AAK1: variants seen among roughly 807,000 people sequenced by gnomAD.
AAK1 encodes AP2 associated kinase 1.
AAK1 carries 37 observed loss-of-function variants against 116.0 expected under a neutral mutation model. The ratio of observed to expected loss-of-function variants is 0.32; its 90% CI spans 0.25 to 0.42. The LOEUF (loss-of-function observed/expected upper bound fraction) is 0.42, where lower values mean the gene tolerates loss of function less well. AAK1 is among the 10% of genes least tolerant of loss of function. The probability of loss-of-function intolerance (pLI) is 1.00; values close to 1 mark genes in which losing one functional copy is unlikely to be tolerated. For synonymous variants in AAK1, 458 were observed against 439.9 expected (o/e 1.04, Z -0.51); for missense variants, 919 against 1,170.6 (o/e 0.79, Z 3.14).
chr2:69,459,908 A>G lies in AAK1; in HGVS notation c.*15961T>C, dbSNP rs1674299919. On this transcript the variant is annotated 3_prime_UTR_variant, in exon 22 of 22. Coordinates refer to ENST00000409085, the MANE Select transcript of AAK1 (RefSeq NM_014911.5). ...GGTTAAAAAACAAAACAAAACTACA[A>G]GTATCAGCTGAGAAAGACAAAGAAA... The G allele has an allele frequency of 6.6e-6, 1 of 152,118 alleles. No homozygotes were observed. Among genetic ancestry groups the G allele is most frequent in the South Asian group, 2.1e-4 (1 of 4,822 alleles). 9.4% of individuals were successfully genotyped at this position (152,118 alleles called of 1,614,324 possible).
At chr2:69,557,436 G>A (rs929758335) in intron 2 of AAK1, among the ~76,000 whole-genome samples, 1 of 151,676 alleles carries the variant, frequency 6.6e-6, no homozygotes, top group East Asian at 1.9e-4. Context: ...CGAGTAGCTG[G>A]GATTACAGGT....
chr2:69,518,931 G>A (rs1676704863), intron 12 of AAK1, 23 bp downstream of exon 12: 3 of 1,515,970 alleles, frequency 2.0e-6, no homozygotes, highest in Non-Finnish European at 2.7e-6. Flanking sequence ...ATGCAAGCAA[G>A]GGCCACACTC....
Position 69,461,408 on chromosome 2 carries a change from A to G in AAK1, c.*14461T>C, listed in dbSNP as rs544811516. 4.4e-6 allele frequency: 1 copy of G among 228,044 alleles called. No homozygotes were observed. The highest frequency in any genetic ancestry group is 4.2e-5 in the South Asian group (1 of 23,890). 14.1% of individuals were successfully genotyped at this position (228,044 alleles called of 1,614,324 possible). ...ACTGTATTTTTTTTTCTCTTTAAGG[A>G]AATAAGACCCTACTGTAATACAAGT... On this transcript the variant is annotated 3_prime_UTR_variant, in exon 22 of 22. Transcript: ENST00000409085.
rs1674314829 is a variant in AAK1, at chr2:69,460,589, A to AACT, written c.*15279_*15280insAGT. 1 of 152,214 alleles carries AACT rather than the reference A, an allele frequency of 6.6e-6. No homozygotes were observed. Among genetic ancestry groups the AACT allele is most frequent in the Non-Finnish European group, 1.5e-5 (1 of 68,028 alleles). 9.4% of individuals were successfully genotyped at this position (152,214 alleles called of 1,614,324 possible). On this transcript the variant is annotated 3_prime_UTR_variant, in exon 22 of 22. Coordinates refer to ENST00000409085, the MANE Select transcript of AAK1 (RefSeq NM_014911.5). ...AGTTGCCAGAGAAAACTCAGATACA[A>AACT]CATGAGCCTCTAAACACATACACTC... is the stretch of plus-strand genomic sequence containing the variant.
At chr2:69,485,607 C>A (rs1251060773) in intron 17 of AAK1, among the ~76,000 whole-genome samples, 1 of 151,966 alleles carries the variant, frequency 6.6e-6, no homozygotes. Flanking sequence ...CACATCTATG[C>A]CTTTTGGCTT....
chr2:69,569,218 C>T lies in AAK1; in HGVS notation c.164-12240G>A, dbSNP rs2105114096. On this transcript the variant is annotated intron_variant, in intron 2 of 21. Transcript: ENST00000409085. The stretch of plus-strand genomic sequence containing the variant: ...AGAATATAAGAGCCTTTATACGTTT[C>T]CCCATTTTATTATGAAAAATTTCAA... Among the ~76,000 whole-genome samples, 3 of 152,246 alleles carry T rather than the reference C, an allele frequency of 2.0e-5. No individual in the cohort carries two copies. In the South Asian group the frequency reaches 6.2e-4, roughly 32 times the overall value.
chr2:69,504,426 A>G (rs1428263208), intron 16 of AAK1, among the ~76,000 whole-genome samples: 2 of 138,386 alleles, frequency 1.4e-5, no homozygotes, highest in East Asian at 2.2e-4. Context: ...AAAAAGATGC[A>G]TATCAGAGTC....
chr2:69,497,914 T>C (rs1675813336), intron 16 of AAK1, among the ~76,000 whole-genome samples: 1 of 152,058 alleles, frequency 6.6e-6, no homozygotes, highest in Admixed American at 6.6e-5. Context: ...GTGGCCCTAT[T>C]TGTGCATGTG....
At chr2:69,595,180 T>C (rs1673215849) in intron 2 of AAK1, 2 of 384,080 alleles carry the variant, frequency 5.2e-6, no homozygotes, top group Admixed American at 6.8e-5. Context: ...TGGTGTGATC[T>C]TGGCTCACTG....
intron 20 of AAK1, among the ~76,000 whole-genome samples, chr2:69,478,299 ACCATC>A (rs1674927068): frequency 2.0e-5 from 3 of 152,332 alleles, no homozygotes; most frequent in African/African-American, 7.2e-5. Flanking sequence ...AGTCACTTCA[ACCATC>A]TACTTGAATT....
rs1674704213 is a variant in AAK1 at position 69,472,225 on chromosome 2, G to A, written c.*3644C>T. Reference sequence around the variant, plus strand: ...ATTATCCTTTTTACTGTCTTCAACAGTAACCACTCTTCATCTTACAGGGTT... The same window carrying A: ...ATTATCCTTTTTACTGTCTTCAACAATAACCACTCTTCATCTTACAGGGTT... On this transcript the variant is annotated 3_prime_UTR_variant, in exon 22 of 22. Transcript: ENST00000409085. The A allele has an allele frequency of 1.1e-6, 1 of 921,620 alleles. No individual in the cohort carries two copies. The highest frequency in any genetic ancestry group is 1.8e-5 in the African/African-American group (1 of 55,820). The allele number at this position is 921,620 out of a possible 1,614,324, so 57.1% of individuals were successfully genotyped here.
intron 2 of AAK1, among the ~76,000 whole-genome samples, chr2:69,563,126 T>C (rs1362462581): frequency 6.6e-6 from 1 of 152,144 alleles, no homozygotes; most frequent in Non-Finnish European, 1.5e-5. Flanking sequence ...CACCATGATA[T>C]TCAATTCAGC....
At chr2:69,527,829 G>A (rs962925454) in intron 8 of AAK1, among the ~76,000 whole-genome samples, 4 of 152,158 alleles carry the variant, frequency 2.6e-5, no homozygotes, top group African/African-American at 7.2e-5. Flanking sequence ...GTGACCTATA[G>A]ATCACTTGTC....
At chr2:69,626,876 T>C (rs1013314535) in intron 2 of AAK1, among the ~76,000 whole-genome samples, 1 of 152,176 alleles carries the variant, frequency 6.6e-6, no homozygotes, top group Non-Finnish European at 1.5e-5. Context: ...TCAATCATTC[T>C]TTCTGCCTCC....
At chr2:69,587,395 GTACATATATACACA>G (rs1672828083) in intron 2 of AAK1, among the ~76,000 whole-genome samples, 2 of 146,496 alleles carry the variant, frequency 1.4e-5, no homozygotes, top group African/African-American at 2.6e-5. Flanking sequence ...ACACACGTGT[GTACATATATACACA>G]TGTGTATATA....
intron 19 of AAK1, among the ~76,000 whole-genome samples, chr2:69,479,402 G>T (rs908776287): frequency 2.0e-5 from 3 of 152,154 alleles, no homozygotes; most frequent in Non-Finnish European, 2.9e-5. Context: ...AGAAATAGAG[G>T]ATAATTTTTT....
chr2:69,474,986 C>A lies in AAK1; in HGVS notation c.*883G>T, dbSNP rs1477235236. ...TCCCCATCCTCCCCCCACCCCCGCC[C>A]CAGTGAAAAGTCTTCTAATAAAAGG... On this transcript the variant is annotated 3_prime_UTR_variant, in exon 22 of 22. Transcript: ENST00000409085. 4.1e-6 allele frequency: 4 copies of A among 977,590 alleles called. No individual in the cohort carries two copies. Among genetic ancestry groups the A allele is most frequent in the Non-Finnish European group, 4.9e-6 (4 of 824,710 alleles). The allele number at this position is 977,590 out of a possible 1,614,324, so 60.6% of individuals were successfully genotyped here. A position where few individuals can be genotyped will look rare whatever the true frequency, so the allele number is the denominator to read the frequency against.
rs1056353456 is a variant in AAK1 at position 69,460,236 on chromosome 2, G to C, written c.*15633C>G. The C allele has an allele frequency of 6.6e-6, 1 of 152,376 alleles. No individual in the cohort carries two copies. The highest frequency in any genetic ancestry group is 1.5e-5 in the Non-Finnish European group (1 of 68,016). 9.4% of individuals were successfully genotyped at this position (152,376 alleles called of 1,614,324 possible). A position where few individuals can be genotyped will look rare whatever the true frequency, so the allele number is the denominator to read the frequency against. The stretch of plus-strand genomic sequence containing the variant: ...AGAATCACACTTTTCTTTATTAAAG[G>C]GACCCAAGTGATTTTTAAGCTGTAT... On this transcript the variant is annotated 3_prime_UTR_variant, in exon 22 of 22. Coordinates refer to ENST00000409085, the MANE Select transcript of AAK1 (RefSeq NM_014911.5).
chr2:69,477,185 T>C (rs868001258), intron 20 of AAK1, among the ~76,000 whole-genome samples, 195 bp from the exon 21 acceptor site: 1 of 127,032 alleles, frequency 7.9e-6, no homozygotes, highest in Non-Finnish European at 1.6e-5. Context: ...TGCTTTAGAG[T>C]TGGCCATGTT....
Sources: allele counts gnomAD v4.1 joint callset (sites outside exome capture counted in the v4.1 genomes callset), GRCh38; gene constraint gnomAD v4.1.1; transcripts MANE v1.5; gene names NCBI Gene and HGNC (gene_info 2026-07-23, HGNC 2026-07-21).